The following DPRX variants were observed in gnomAD, a reference collection of about 807,000 sequenced individuals.
DPRX encodes the protein divergent paired-related homeobox.
In DPRX, 11 loss-of-function variants were observed where a neutral mutation model predicts 8.4. That is an observed-to-expected ratio of 1.31 (90% confidence interval 0.82 to 2.17). The LOEUF (loss-of-function observed/expected upper bound fraction) is 2.17, where lower values mean the gene tolerates loss of function less well. Ranked by LOEUF, DPRX falls within the 30% of genes most tolerant of loss-of-function variation. DPRX has a pLI of 0.00. For missense variants in DPRX, 211 were observed against 236.7 expected (o/e 0.89, Z 0.71); for synonymous variants, 72 against 87.0 (o/e 0.83, Z 0.96).
chr19:53,617,957 T>G, the DPRX span, among the ~76,000 whole-genome samples: 12 of 151,766 alleles, frequency 7.9e-5, no homozygotes, highest in South Asian at 1.3e-3. Context: ...GGCCACCATG[T>G]TGAAACCCCA....
chr19:53,624,165 T>G, the DPRX span, among the ~76,000 whole-genome samples: 1 of 137,590 alleles, frequency 7.3e-6, no homozygotes, highest in Admixed American at 7.9e-5. Flanking sequence ...TCGACTCACT[T>G]CAACCTCTGC....
At chr19:53,603,458 T>A in the DPRX span, 2 of 451,614 alleles carry the variant, frequency 4.4e-6, no homozygotes, top group Middle Eastern at 6.6e-4. Context: ...CAGGAACACA[T>A]GCTGGGGATT....
At chr19:53,601,476 G>T in the DPRX span, 1 of 365,432 alleles carries the variant, frequency 2.7e-6, no homozygotes, top group African/African-American at 2.3e-5. Flanking sequence ...CATATTCAAT[G>T]CCTATTCTTT....
chr19:53,623,991 T>C, the DPRX span, among the ~76,000 whole-genome samples: 1 of 151,846 alleles, frequency 6.6e-6, no homozygotes, highest in East Asian at 1.9e-4. Context: ...AACCATTATG[T>C]TATCCCATGA....
chr19:53,626,227 C>A, the DPRX span, among the ~76,000 whole-genome samples: 1 of 152,022 alleles, frequency 6.6e-6, no homozygotes, highest in Non-Finnish European at 1.5e-5. Context: ...CGTGAGCCAC[C>A]GTGACTGGCC....
chr19:53,608,048 C>T, the DPRX span, among the ~76,000 whole-genome samples: 10 of 150,120 alleles, frequency 6.7e-5, no homozygotes, highest in African/African-American at 2.4e-4. Context: ...TGGCAGGTAC[C>T]TGTAATCCCA....
At chr19:53,618,114 G>T in the DPRX span, among the ~76,000 whole-genome samples, 2 of 148,834 alleles carry the variant, frequency 1.3e-5, no homozygotes, top group Non-Finnish European at 1.5e-5. Context: ...CTGCACTCCA[G>T]CCTGGGCGAC....
At chr19:53,614,277 C>T in the DPRX span, among the ~76,000 whole-genome samples, 10 of 152,024 alleles carry the variant, frequency 6.6e-5, no homozygotes, top group African/African-American at 1.9e-4. Context: ...TGTCCATGAG[C>T]GATGGTGCGT....
chr19:53,634,911 T>C (rs2091106589), intron 2 of DPRX, among the ~76,000 whole-genome samples: 1 of 152,186 alleles, frequency 6.6e-6, no homozygotes, highest in Non-Finnish European at 1.5e-5. Context: ...TTGTGGGCCA[T>C]ACCGTCTCTC....
At chr19:53,636,823 C>T in exon 3 of DPRX, 1 of 1,614,144 alleles carries the variant, frequency 6.2e-7, no homozygotes, top group Non-Finnish European at 8.5e-7. Context: ...ACCCCAACCT[C>T]AAGGTCCCTG....
the DPRX span, among the ~76,000 whole-genome samples, chr19:53,613,988 G>A: frequency 1.3e-5 from 2 of 150,296 alleles, no homozygotes; most frequent in African/African-American, 2.5e-5. Flanking sequence ...GTCTCACTCT[G>A]TTGCCCAGGC....
the DPRX span, among the ~76,000 whole-genome samples, chr19:53,620,271 A>G: frequency 0.24 from 36,103 of 151,526 alleles, 5,088 homozygotes; most frequent in Admixed American, 0.39. Context: ...GGGTTTCACC[A>G]TGTTAGCCAG....
chr19:53,631,895 C>A (rs1186799047), upstream of DPRX, among the ~76,000 whole-genome samples: 3 of 152,060 alleles, frequency 2.0e-5, no homozygotes, highest in African/African-American at 7.2e-5. Flanking sequence ...TCGTTGGTCT[C>A]CGCTCAATCA....
chr19:53,601,146 A>G, the DPRX span: 3 of 409,372 alleles, frequency 7.3e-6, no homozygotes, highest in Admixed American at 2.7e-5. Context: ...TCTCCTGAGT[A>G]GCTGGGACTA....
chr19:53,633,518 TATTA>T (rs1273162181), intron 1 of DPRX, among the ~76,000 whole-genome samples: 1 of 152,016 alleles, frequency 6.6e-6, no homozygotes, highest in African/African-American at 2.4e-5. Context: ...TTTATTTATT[TATTA>T]TTTTCTTGAG....
upstream of DPRX, among the ~76,000 whole-genome samples, chr19:53,630,266 T>C (rs1346460979): frequency 1.3e-5 from 2 of 149,962 alleles, no homozygotes; most frequent in Non-Finnish European, 3.0e-5. Flanking sequence ...AGCTTGTGAA[T>C]TGCCCTCCAG....
the DPRX span, among the ~76,000 whole-genome samples, chr19:53,621,954 G>C: frequency 6.6e-6 from 1 of 152,066 alleles, no homozygotes; most frequent in Non-Finnish European, 1.5e-5. Flanking sequence ...ATACTCATCT[G>C]TTTCCCCCAC....
the DPRX span, among the ~76,000 whole-genome samples, chr19:53,615,174 A>G: frequency 6.6e-6 from 1 of 151,700 alleles, no homozygotes; most frequent in African/African-American, 2.4e-5. Context: ...GTTTCACCAT[A>G]TTGACCAGGC....
chr19:53,635,758 T>C (rs1313205463), intron 2 of DPRX, among the ~76,000 whole-genome samples: 4 of 152,150 alleles, frequency 2.6e-5, no homozygotes, highest in Non-Finnish European at 5.9e-5. Context: ...TCTTATTGTG[T>C]TTGTTTTTTC....
Sources: allele counts gnomAD v4.1 joint callset (sites outside exome capture counted in the v4.1 genomes callset), GRCh38; gene constraint gnomAD v4.1.1; transcripts MANE v1.5; gene names NCBI Gene and HGNC (gene_info 2026-07-23, HGNC 2026-07-21).